PFKP: variants seen among roughly 807,000 people sequenced by gnomAD.
The protein encoded by PFKP is phosphofructokinase, platelet, also known as ATP-dependent 6-phosphofructokinase, platelet type.
In PFKP, 101 loss-of-function variants were observed where a neutral mutation model predicts 94.3. The observed-to-expected ratio is 1.07, with a 90% CI of 0.91 to 1.26. PFKP has a LOEUF of 1.26. Among genes scored for constraint, PFKP ranks in the 50% most tolerant of loss-of-function variants. The pLI, the probability that PFKP is intolerant of heterozygous loss-of-function variation, is 0.00. For missense variants in PFKP, 1,145 were observed against 1,103.3 expected (o/e 1.04, Z -0.53); for synonymous variants, 573 against 432.6 (o/e 1.32, Z -4.03).
chr10:3,101,989 C>G (rs941135632), intron 4 of PFKP, among the ~76,000 whole-genome samples: 5 of 150,746 alleles, frequency 3.3e-5, no homozygotes, highest in African/African-American at 1.2e-4. Flanking sequence ...CGGTGGCTCA[C>G]GCCTGTAATC....
chr10:3,135,069 G>GA (rs1298931467), intron 20 of PFKP, among the ~76,000 whole-genome samples: 1 of 152,176 alleles, frequency 6.6e-6, no homozygotes, highest in Admixed American at 6.5e-5. Flanking sequence ...CATATTCTAA[G>GA]AAATCTTTAA....
chr10:3,113,111 T>A lies in PFKP; in HGVS notation c.1155-8T>A. 1 of 1,611,936 alleles carries A rather than the reference T, an allele frequency of 6.2e-7. No homozygotes were observed. ...CGACTCCGGTCCAACGACACCCTTT[T>A]CCTTTAGGAGCTTTGCGGGCAACCT... On this transcript the variant is annotated splice_polypyrimidine_tract_variant and splice_region_variant and intron_variant, in intron 11 of 21. Coordinates refer to ENST00000381125, the MANE Select transcript of PFKP (RefSeq NM_002627.5).
chr10:3,075,065 A>T (rs746446352), intron 1 of PFKP, among the ~76,000 whole-genome samples: 2 of 152,204 alleles, frequency 1.3e-5, no homozygotes, highest in Non-Finnish European at 2.9e-5. Flanking sequence ...AAATTAAAGG[A>T]ATAGGTTGGG....
intron 16 of PFKP, among the ~76,000 whole-genome samples, chr10:3,120,925 T>A (rs12772110): frequency 0.091 from 13,868 of 152,322 alleles, 808 homozygotes; most frequent in Non-Finnish European, 0.14. Flanking sequence ...TTCATTTTTT[T>A]AAAATTTGAT....
intron 18 of PFKP, 47 bp from the exon 19 acceptor site, chr10:3,133,156 G>A (rs538714762): frequency 9.3e-6 from 13 of 1,391,454 alleles, no homozygotes; most frequent in South Asian, 6.9e-5. Context: ...AGGGAGCCAC[G>A]TGCCCACTGC....
intron 2 of PFKP, among the ~76,000 whole-genome samples, chr10:3,097,151 G>T (rs1834557535): frequency 6.6e-6 from 1 of 150,566 alleles, no homozygotes; most frequent in Non-Finnish European, 1.5e-5. Context: ...CCAAGGCTAG[G>T]TTATCTCTTT....
At chr10:3,087,101 T>C (rs1833663279) in intron 2 of PFKP, among the ~76,000 whole-genome samples, 2 of 152,122 alleles carry the variant, frequency 1.3e-5, no homozygotes, top group South Asian at 2.1e-4. Flanking sequence ...GCCTCCTGAG[T>C]AGCTGGGATT....
At chr10:3,079,360 G>A (rs1034595335) in intron 1 of PFKP, among the ~76,000 whole-genome samples, 3 of 151,678 alleles carry the variant, frequency 2.0e-5, no homozygotes, top group Non-Finnish European at 4.4e-5. Context: ...TCAGCCTCCC[G>A]AGTAGCTGGG....
rs970491732 is a variant in PFKP at position 3,102,103 on chromosome 10, T to G, written c.454+549T>G. On this transcript the variant is annotated intron_variant, in intron 4 of 21. Coordinates refer to ENST00000381125, the MANE Select transcript of PFKP (RefSeq NM_002627.5). ...CGTCTCTACTAAAAATACAAAAAATTAGCCGGGCGTAGTGGCGGGCGCCTG... is the reference window on the plus strand; with the variant it reads ...CGTCTCTACTAAAAATACAAAAAATGAGCCGGGCGTAGTGGCGGGCGCCTG... Among the ~76,000 whole-genome samples, 6 of 149,478 alleles carry G rather than the reference T, an allele frequency of 4.0e-5. 1 individual carries two copies. Among genetic ancestry groups the G allele is most frequent in the African/African-American group, 1.2e-4 (5 of 40,904 alleles).
In PFKP at chr10:3,113,198, C is replaced by T. The variant is rs763830134; in HGVS notation, c.1224+10C>T. ...TGATCAGATCCCAAAGGTAGGTGGC[C>T]GGCCTCCCGCGATGCCCCGACCTCT... On this transcript the variant is annotated intron_variant, in intron 12 of 21. Transcript: ENST00000381125. 2.5e-5 allele frequency: 41 copies of T among 1,608,428 alleles called. No individual in the cohort carries two copies. The highest frequency in any genetic ancestry group is 3.1e-5 in the Non-Finnish European group (36 of 1,177,532).
chr10:3,103,132 A>T (rs1835182683), intron 4 of PFKP, among the ~76,000 whole-genome samples: 1 of 152,234 alleles, frequency 6.6e-6, no homozygotes, highest in African/African-American at 2.4e-5. Flanking sequence ...CCGTAATTGT[A>T]ACGTATCCTG....
intron 1 of PFKP, among the ~76,000 whole-genome samples, chr10:3,069,568 G>A (rs1832029480): frequency 6.6e-6 from 1 of 152,098 alleles, no homozygotes; most frequent in African/African-American, 2.4e-5. Context: ...GAAAGTCAGG[G>A]TTTCAAGGTT....
At chr10:3,131,138 CAA>C (rs1838539940) in intron 17 of PFKP, among the ~76,000 whole-genome samples, 1 of 151,588 alleles carries the variant, frequency 6.6e-6, no homozygotes, top group Admixed American at 6.6e-5. Flanking sequence ...TGTTTTTTAT[CAA>C]AAAATATGTA....
At chr10:3,078,797 C>T (rs1371256251) in intron 1 of PFKP, among the ~76,000 whole-genome samples, 1 of 152,206 alleles carries the variant, frequency 6.6e-6, no homozygotes, top group African/African-American at 2.4e-5. Context: ...TGTGGGTCTG[C>T]AGTCAGCAAG....
At chr10:3,116,955 T>C in intron 14 of PFKP, 109 bp downstream of exon 14, 1 of 869,474 alleles carries the variant, frequency 1.2e-6, no homozygotes, top group South Asian at 1.3e-5. Flanking sequence ...TGGAAAGGCG[T>C]CCCTAAGGGA....
At chr10:3,108,087 G>T in intron 8 of PFKP, 1 of 1,118,452 alleles carries the variant, frequency 8.9e-7, no homozygotes. Flanking sequence ...TTTATAAGTG[G>T]TCATCCATAA....
At chr10:3,082,050 C>A (rs1478943990) in intron 1 of PFKP, among the ~76,000 whole-genome samples, 1 of 122,920 alleles carries the variant, frequency 8.1e-6, no homozygotes, top group African/African-American at 3.2e-5. Context: ...TTTTCATCTC[C>A]TTCTCAAATC....
At chr10:3,093,671 T>C (rs1473616659) in intron 2 of PFKP, among the ~76,000 whole-genome samples, 1 of 127,512 alleles carries the variant, frequency 7.8e-6, no homozygotes, top group Non-Finnish European at 1.6e-5. Flanking sequence ...TGAGACAGAG[T>C]CTTGCTCTGT....
At chr10:3,092,818 C>A (rs1834150795) in intron 2 of PFKP, among the ~76,000 whole-genome samples, 1 of 152,162 alleles carries the variant, frequency 6.6e-6, no homozygotes, top group Non-Finnish European at 1.5e-5. Flanking sequence ...ACACTTGTGA[C>A]CCAAAATAAA....
Sources: gnomAD v4.1 joint callset for allele counts (sites outside exome capture counted in the v4.1 genomes callset) on GRCh38, gnomAD v4.1.1 for gene constraint, MANE v1.5 for transcripts, NCBI Gene and HGNC (gene_info 2026-07-23, HGNC 2026-07-21) for gene names.